The following R3HDM1 variants were observed in gnomAD, a reference collection of about 807,000 sequenced individuals.
R3HDM1 encodes R3H domain-containing protein 1.
R3HDM1 carries 46 observed loss-of-function variants against 141.1 expected under a neutral mutation model. That is an observed-to-expected ratio of 0.33 (90% confidence interval 0.26 to 0.42). The LOEUF (loss-of-function observed/expected upper bound fraction) is 0.42. Among genes scored for constraint, R3HDM1 ranks in the 10% least tolerant of loss-of-function variants. The pLI is 1.00. For synonymous variants in R3HDM1, 435 were observed against 472.9 expected (o/e 0.92, Z 1.04); for missense variants, 1,184 against 1,368.3 (o/e 0.87, Z 2.12).
rs745434539 is a variant in R3HDM1 at position 135,651,902 on chromosome 2, C to T, written c.1898C>T (p.Pro633Leu). 6.2e-7 allele frequency: 1 copy of T among 1,613,952 alleles called. No homozygotes were observed. Among genetic ancestry groups the T allele is most frequent in the Admixed American group, 1.7e-5 (1 of 60,018 alleles). ...CCACCACATCCTCCTCCACCGCCAC[C>T]ACCACCACCTCCTCCTCCTCCCCTA... ...APPPHPPPPPPPPPPPPPLPP... is the reference protein window; with the variant it reads ...APPPHPPPPPLPPPPPPPLPP... Residue 633 changes from proline (P) to leucine (L), a missense_variant, in exon 18 of 27, where the codon CCA becomes CTA. Coordinates refer to ENST00000683871, the MANE Select transcript of R3HDM1 (RefSeq NM_001378107.1).
intron 5 of R3HDM1, among the ~76,000 whole-genome samples, chr2:135,618,893 G>A (rs1300300016): frequency 2.0e-5 from 3 of 152,000 alleles, no homozygotes; most frequent in East Asian, 3.9e-4. Context: ...GGTGGCACAC[G>A]CCTGTAATCC....
At chr2:135,607,789 G>A in intron 3 of R3HDM1, 1 of 925,560 alleles carries the variant, frequency 1.1e-6, no homozygotes, top group South Asian at 5.0e-5. Flanking sequence ...TCATGGCCCA[G>A]TTGTTTGTAG....
At chr2:135,564,447 G>A (rs564985156) in intron 1 of R3HDM1, among the ~76,000 whole-genome samples, 29 of 152,192 alleles carry the variant, frequency 1.9e-4, no homozygotes, top group Admixed American at 3.3e-4. Context: ...AGCCTCCCAA[G>A]TATCTGGGAT....
chr2:135,616,075 G>A (rs922502513), intron 3 of R3HDM1, 77 bp from the exon 4 acceptor site: 2 of 1,412,318 alleles, frequency 1.4e-6, no homozygotes, highest in Admixed American at 1.7e-5. Context: ...GTTTTTCTGT[G>A]GTTTAGGACT....
rs751667916 is a variant in R3HDM1 at position 135,639,123 on chromosome 2, G to A, written c.1219+1G>A. ...AGCATAGGCAGGCTTTCAAAAACAG[G>A]TATAAATATCTACACAAAACTGTGC... On this transcript the variant is annotated splice_donor_variant, in intron 14 of 26. Coordinates refer to ENST00000683871, the MANE Select transcript of R3HDM1 (RefSeq NM_001378107.1). LOFTEE classifies it high-confidence loss of function. 1.9e-6 allele frequency: 3 copies of A among 1,613,418 alleles called. 1 individual carries two copies. Among genetic ancestry groups the A allele is most frequent in the Admixed American group, 3.3e-5 (2 of 59,998 alleles).
At chr2:135,666,973 C>T (rs2067614896) in intron 19 of R3HDM1, 2 of 387,630 alleles carry the variant, frequency 5.2e-6, no homozygotes, top group South Asian at 2.2e-4. Flanking sequence ...TGTACAAGCA[C>T]AGTCTGGAAA....
intron 1 of R3HDM1, among the ~76,000 whole-genome samples, chr2:135,576,726 T>C (rs1428385691): frequency 6.6e-6 from 1 of 152,188 alleles, no homozygotes; most frequent in East Asian, 1.9e-4. Flanking sequence ...GAAAACATTA[T>C]ACTAAGTGAA....
chr2:135,573,913 A>G (rs779488316), intron 1 of R3HDM1, among the ~76,000 whole-genome samples: 48 of 152,162 alleles, frequency 3.2e-4, no homozygotes, highest in South Asian at 6.2e-4. Context: ...CAGTAAACAC[A>G]TTTATCTGAA....
intron 1 of R3HDM1, chr2:135,566,883 A>T: frequency 2.0e-6 from 1 of 491,706 alleles, no homozygotes; most frequent in South Asian, 8.8e-5. Flanking sequence ...GGGGCAGAAG[A>T]ATCACTTGAA....
intron 9 of R3HDM1, among the ~76,000 whole-genome samples, chr2:135,634,333 G>A (rs1391546410): frequency 6.6e-6 from 1 of 152,074 alleles, no homozygotes; most frequent in South Asian, 2.1e-4. Context: ...TAAAATAAAT[G>A]TTCAAAAGTA....
chr2:135,651,318 A>C (rs1049769559), intron 17 of R3HDM1: 2 of 983,474 alleles, frequency 2.0e-6, no homozygotes, highest in Non-Finnish European at 2.4e-6. Context: ...GATAGTTTAA[A>C]GCAAATACTA....
chr2:135,622,981 G>A (rs1309824984), intron 7 of R3HDM1: 10 of 981,110 alleles, frequency 1.0e-5, no homozygotes, highest in Non-Finnish European at 9.7e-6. Context: ...AGATATTTAG[G>A]CTCTTGATTG....
intron 1 of R3HDM1, among the ~76,000 whole-genome samples, chr2:135,588,477 C>T (rs1352958708): frequency 6.6e-6 from 1 of 152,092 alleles, no homozygotes; most frequent in Non-Finnish European, 1.5e-5. Flanking sequence ...GTTTTCAGTT[C>T]ATTGGAGCCA....
In R3HDM1 at chr2:135,641,759, A is replaced by G. The variant is rs772345050; in HGVS notation, c.1443A>G (p.Pro481=). The G allele has an allele frequency of 1.1e-5, 18 of 1,614,064 alleles. No individual in the cohort carries two copies. The highest frequency in any genetic ancestry group is 3.3e-4 in the Middle Eastern group (2 of 6,062). The part of the protein sequence containing the change: ...FLLPLEAAGI[P]PGSILINPQT... The stretch of plus-strand genomic sequence containing the variant: ...TTCCCTTGGAAGCGGCAGGCATACC[A>G]CCTGGCAGTATTCTGATCAACCCAC... The change falls in exon 15 of 27, where the codon CCA becomes CCG. Residue 481 remains proline (P), a synonymous_variant. Coordinates refer to ENST00000683871, the MANE Select transcript of R3HDM1 (RefSeq NM_001378107.1).
In R3HDM1 at chr2:135,689,194, G is replaced by A. The variant is rs76330946; in HGVS notation, c.2459+8870G>A. ...CCTACACTAACCAGCCCTTTAGTCTGGTTTTTATTCATGCCTTCAGCTGTC... is the reference window on the plus strand; with the variant it reads ...CCTACACTAACCAGCCCTTTAGTCTAGTTTTTATTCATGCCTTCAGCTGTC... On this transcript the variant is annotated intron_variant, in intron 21 of 26. Transcript: ENST00000683871. Among the ~76,000 whole-genome samples, 1,619 of 152,200 alleles carry A rather than the reference G, an allele frequency of 0.011. 101 individuals carry two copies. In the East Asian group the frequency reaches 0.19, roughly 18 times the overall value.
At chr2:135,633,681 AC>A (rs1339811598) in intron 9 of R3HDM1, 1 of 152,086 alleles carries the variant, frequency 6.6e-6, no homozygotes, top group Non-Finnish European at 1.5e-5. Context: ...AAACAAACTT[AC>A]CTTTTCCTCA....
intron 16 of R3HDM1, 38 bp from the exon 17 acceptor site, chr2:135,649,864 C>G (rs1383975623): frequency 1.3e-5 from 15 of 1,143,204 alleles, no homozygotes; most frequent in East Asian, 6.6e-5. Context: ...ACGTTTTATT[C>G]TGACATTAAC....
intron 1 of R3HDM1, among the ~76,000 whole-genome samples, chr2:135,565,362 ATTT>A (rs1030175255): frequency 7.1e-6 from 1 of 140,890 alleles, no homozygotes; most frequent in African/African-American, 2.8e-5. Context: ...TATTATTATT[ATTT>A]TTAAATTTAA....
intron 1 of R3HDM1, among the ~76,000 whole-genome samples, chr2:135,567,582 C>A (rs1339047178): frequency 6.6e-6 from 1 of 151,912 alleles, no homozygotes; most frequent in African/African-American, 2.4e-5. Context: ...TTTTATCTTC[C>A]CTTTAAAAAA....
Sources: allele counts gnomAD v4.1 joint callset (sites outside exome capture counted in the v4.1 genomes callset), GRCh38; gene constraint gnomAD v4.1.1; transcripts MANE v1.5; gene names NCBI Gene and HGNC (gene_info 2026-07-23, HGNC 2026-07-21).